ERC2: variants seen among roughly 807,000 people sequenced by gnomAD.
The protein encoded by ERC2 is ERC protein 2.
Under a neutral mutation model 114.8 loss-of-function variants are expected in ERC2, and 42 were observed. That is an observed-to-expected ratio of 0.37 (90% CI 0.29 to 0.47). The LOEUF (loss-of-function observed/expected upper bound fraction) is 0.47. ERC2 is among the 20% of genes least tolerant of loss of function. ERC2 has a pLI of 0.99. For missense variants in ERC2, 939 were observed against 1,150.7 expected, an observed-to-expected ratio of 0.82 and a Z score of 2.66; for synonymous variants, 454 against 425.5, an observed-to-expected ratio of 1.07 and a Z score of -0.82.
At chr3:55,917,131 C>A (rs1244315208) in intron 13 of ERC2, among the ~76,000 whole-genome samples, 1 of 152,104 alleles carries the variant, frequency 6.6e-6, no homozygotes, top group African/African-American at 2.4e-5. Context: ...TCATGAAGGT[C>A]CCCTGTTGTA....
At chr3:56,154,949 C>T (rs997608016) in intron 4 of ERC2, among the ~76,000 whole-genome samples, 1 of 152,120 alleles carries the variant, frequency 6.6e-6, no homozygotes, top group Non-Finnish European at 1.5e-5. Flanking sequence ...TTATTTCATC[C>T]TGTTAAACTT....
At chr3:56,284,891 A>C (rs1354610113) in intron 3 of ERC2, among the ~76,000 whole-genome samples, 1 of 151,742 alleles carries the variant, frequency 6.6e-6, no homozygotes, top group African/African-American at 2.4e-5. Flanking sequence ...TTTCTGAGAG[A>C]GAAGAGTGCA....
chr3:55,551,163 C>T (rs2055176874), intron 17 of ERC2, among the ~76,000 whole-genome samples: 1 of 151,626 alleles, frequency 6.6e-6, no homozygotes, highest in Non-Finnish European at 1.5e-5. Context: ...CATATATATA[C>T]ACATGAATAT....
chr3:56,355,204 G>T (rs1381359317), intron 2 of ERC2, among the ~76,000 whole-genome samples: 1 of 152,112 alleles, frequency 6.6e-6, no homozygotes, highest in Non-Finnish European at 1.5e-5. Context: ...CCTGTTGTTT[G>T]TTAGCACAAG....
intron 4 of ERC2, among the ~76,000 whole-genome samples, chr3:56,168,416 G>A (rs1304703220): frequency 6.6e-6 from 1 of 152,152 alleles, no homozygotes; most frequent in Non-Finnish European, 1.5e-5. Context: ...TAGAAAAACT[G>A]GGATTGGCAC....
chr3:56,070,317 C>CA (rs945412515), intron 7 of ERC2, among the ~76,000 whole-genome samples: 6 of 152,148 alleles, frequency 3.9e-5, no homozygotes, highest in African/African-American at 1.4e-4. Context: ...AATCCCATTT[C>CA]AAAAACTATA....
chr3:56,029,135 G>A (rs371269295), intron 7 of ERC2, among the ~76,000 whole-genome samples: 5 of 151,964 alleles, frequency 3.3e-5, no homozygotes, highest in Admixed American at 2.6e-4. Flanking sequence ...CTTGCACACC[G>A]GGAATAAATT....
chr3:56,270,223 G>T (rs546463511), intron 3 of ERC2, among the ~76,000 whole-genome samples: 1 of 150,484 alleles, frequency 6.6e-6, no homozygotes, highest in East Asian at 1.9e-4. Flanking sequence ...ACAAAAAAAT[G>T]AACCAAATAA....
chr3:56,401,596 A>G (rs539361489), intron 2 of ERC2, among the ~76,000 whole-genome samples: 1 of 152,312 alleles, frequency 6.6e-6, no homozygotes, highest in Non-Finnish European at 1.5e-5. Context: ...ATTTGCAGGT[A>G]TATATATCTA....
chr3:56,344,380 C>T (rs1290041273), intron 2 of ERC2, among the ~76,000 whole-genome samples: 1 of 152,168 alleles, frequency 6.6e-6, no homozygotes, highest in African/African-American at 2.4e-5. Context: ...CTAACAGCGA[C>T]ATGTCTTCAG....
rs115406064 is a variant in ERC2 at position 55,588,658 on chromosome 3, G to A, written c.*40-77382C>T. Among the ~76,000 whole-genome samples, 305 of 152,206 alleles carry A rather than the reference G, an allele frequency of 2.0e-3. 1 individual carries two copies. Among genetic ancestry groups the A allele is most frequent in the South Asian group, 7.3e-3 (35 of 4,818 alleles). ...AGTTACCTAACCTCTGAGTGTGATC[G>A]AAGAAAACTGATCCCGAGACAGAGA... On this transcript the variant is annotated intron_variant, in intron 17 of 17. Transcript: ENST00000288221.
At chr3:56,143,134 T>C (rs974963573) in intron 5 of ERC2, among the ~76,000 whole-genome samples, 9 of 152,174 alleles carry the variant, frequency 5.9e-5, no homozygotes, top group Admixed American at 5.9e-4. Context: ...ATGGTAAGGT[T>C]ATTTTTAGTT....
At chr3:55,835,061 A>T (rs981285846) in intron 14 of ERC2, among the ~76,000 whole-genome samples, 59 of 152,050 alleles carry the variant, frequency 3.9e-4, no homozygotes, top group African/African-American at 1.3e-3. Context: ...AAGAAGTTGA[A>T]TCTCTGAATA....
At chr3:56,153,419 G>A (rs73080403) in intron 4 of ERC2, among the ~76,000 whole-genome samples, 1,895 of 152,278 alleles carry the variant, frequency 0.012, 14 homozygotes, top group Non-Finnish European at 0.015. Context: ...AGATCCTCGG[G>A]TGATTCGGGT....
chr3:56,282,167 C>T (rs947211719), intron 3 of ERC2, among the ~76,000 whole-genome samples: 2 of 152,248 alleles, frequency 1.3e-5, no homozygotes, highest in Non-Finnish European at 2.9e-5. Context: ...TCTATTAGAC[C>T]GCAAGTCTCC....
At chr3:56,463,379 C>T (rs778707606) in intron 1 of ERC2, among the ~76,000 whole-genome samples, 1 of 152,222 alleles carries the variant, frequency 6.6e-6, no homozygotes, top group African/African-American at 2.4e-5. Flanking sequence ...GTGTCTCACT[C>T]ACTACATTTT....
At position 55,904,706 on chromosome 3, in the gene ERC2, G is replaced by A. The variant is rs563808637; in HGVS notation, c.2404-16157C>T. The stretch of plus-strand genomic sequence containing the variant: ...CTACTCTTCAGTGAAGAAAGAAAGC[G>A]TCTGGGGGGAAACACATTTCTGAAC... On this transcript the variant is annotated intron_variant, in intron 13 of 17. Coordinates refer to ENST00000288221, the MANE Select transcript of ERC2 (RefSeq NM_015576.3). Among the ~76,000 whole-genome samples, 7 of 152,278 alleles carry A rather than the reference G, an allele frequency of 4.6e-5. No homozygotes were observed. In the South Asian group the frequency reaches 8.3e-4, roughly 18 times the overall value.
chr3:56,188,467 C>T (rs929531708), intron 3 of ERC2, among the ~76,000 whole-genome samples: 13 of 152,140 alleles, frequency 8.5e-5, no homozygotes, highest in African/African-American at 2.9e-4. Flanking sequence ...GGCTGCAGAT[C>T]GCAGGAGCAG....
intron 15 of ERC2, among the ~76,000 whole-genome samples, chr3:55,702,674 A>G (rs1056952561): frequency 2.0e-5 from 3 of 152,184 alleles, no homozygotes; most frequent in African/African-American, 7.2e-5. Context: ...AAAACTACAG[A>G]AATTTGTAAC....
Sources: allele counts gnomAD v4.1 joint callset (sites outside exome capture counted in the v4.1 genomes callset), GRCh38; gene constraint gnomAD v4.1.1; transcripts MANE v1.5; gene names NCBI Gene and HGNC (gene_info 2026-07-23, HGNC 2026-07-21).